The following SLC6A6 variants were observed in gnomAD, a reference collection of about 807,000 sequenced individuals.
The protein encoded by SLC6A6 is sodium- and chloride-dependent taurine transporter.
Under a neutral mutation model 68.8 loss-of-function variants are expected in SLC6A6, and 16 were observed. The ratio of observed to expected loss-of-function variants is 0.23; its 90% CI spans 0.16 to 0.35. The LOEUF is 0.35. Ranked by LOEUF, SLC6A6 falls within the 10% of genes least tolerant of loss-of-function variation. The probability of loss-of-function intolerance (pLI) is 1.00; values close to 1 mark genes in which losing one functional copy is unlikely to be tolerated. For missense variants in SLC6A6, 474 were observed against 802.8 expected (o/e 0.59, Z 4.95); for synonymous variants, 312 against 315.4 (o/e 0.99, Z 0.12).
At position 14,485,237 on chromosome 3, in the gene SLC6A6, G is replaced by A. The variant is rs551189338; in HGVS notation, c.*230G>A. 277 of 384,528 alleles carry A rather than the reference G, an allele frequency of 7.2e-4. 8 individuals are homozygous for A. The South Asian group carries it at 0.02, about 28-fold the overall frequency. The allele number at this position is 384,528 out of a possible 1,614,324, so 23.8% of individuals were successfully genotyped here. A position where few individuals can be genotyped will look rare whatever the true frequency, so the allele number is the denominator to read the frequency against. ...TATTTTGTACAAAAAGAAAACCCAC[G>A]GGAAGATGTCCGTGGAGAGGCAGAG... On this transcript the variant is annotated 3_prime_UTR_variant, in exon 15 of 15. Coordinates refer to ENST00000622186, the MANE Select transcript of SLC6A6 (RefSeq NM_003043.6).
In SLC6A6 at chr3:14,447,780, C is replaced by A. The variant is rs774906046; in HGVS notation, c.563C>A (p.Ser188Tyr). 1.2e-6 allele frequency: 2 copies of A among 1,614,226 alleles called. No homozygotes were observed. Residue 188 changes from serine (S) to tyrosine (Y), a missense_variant, in exon 5 of 15, where the codon TCC becomes TAC. Around this residue, in one of 2 missense-constraint regions of SLC6A6, gnomAD observed 280 missense variants for 533.1 expected, o/e 0.53. Transcript: ENST00000622186. ...AAGAGTGTCTGGATCACCATCAGCT[C>A]CACCAACTTCACCTCCCCTGTCATC... The part of the protein sequence containing the change: ...KNKSVWITIS[S>Y]TNFTSPVIEF...
At chr3:14,445,649 C>T in intron 3 of SLC6A6, 68 bp from the exon 4 acceptor site, 2 of 1,581,434 alleles carry the variant, frequency 1.3e-6, no homozygotes, top group Non-Finnish European at 8.7e-7. Flanking sequence ...GCTGGGAGGG[C>T]TTGGGAGCCT....
intron 2 of SLC6A6, among the ~76,000 whole-genome samples, chr3:14,434,032 C>T (rs766359795): frequency 2.6e-5 from 4 of 152,218 alleles, no homozygotes; most frequent in African/African-American, 7.2e-5. Context: ...CTGCCACACT[C>T]TGGCTTTCTG....
intron 2 of SLC6A6, among the ~76,000 whole-genome samples, chr3:14,433,005 C>A (rs1457133720): frequency 6.6e-6 from 1 of 152,220 alleles, no homozygotes; most frequent in African/African-American, 2.4e-5. Context: ...AGACACGGAA[C>A]CTTGTCCTTC....
intron 11 of SLC6A6, among the ~76,000 whole-genome samples, chr3:14,478,044 GT>G (rs1170606571): frequency 2.0e-5 from 3 of 151,748 alleles, no homozygotes; most frequent in African/African-American, 4.8e-5. Context: ...CCATTTAACA[GT>G]TCTCCGAAAA....
chr3:14,468,248 G>T lies in SLC6A6; in HGVS notation c.1096+36G>T. On this transcript the variant is annotated intron_variant, in intron 9 of 14. Coordinates refer to ENST00000622186, the MANE Select transcript of SLC6A6 (RefSeq NM_003043.6). The surrounding 1 kb of genome is among the most constrained non-coding windows in gnomAD (Gnocchi z 4.5). ...ATCGGTGGCAGTGGTGGTGGGCACTGCCACCTAGTGTGTAAGCCAAGTACT... is the reference window on the plus strand; with the variant it reads ...ATCGGTGGCAGTGGTGGTGGGCACTTCCACCTAGTGTGTAAGCCAAGTACT... 3 of 1,591,962 alleles carry T rather than the reference G, an allele frequency of 1.9e-6. No homozygotes were observed. The highest frequency in any genetic ancestry group is 2.6e-6 in the Non-Finnish European group (3 of 1,166,896).
chr3:14,466,321 A>G (rs535541897), intron 6 of SLC6A6, among the ~76,000 whole-genome samples, 195 bp from the exon 7 acceptor site: 1 of 151,514 alleles, frequency 6.6e-6, no homozygotes, highest in South Asian at 2.1e-4. Context: ...GTATATACCC[A>G]GATTACAGAT....
chr3:14,419,492 C>T (rs1184226496), intron 2 of SLC6A6, among the ~76,000 whole-genome samples: 1 of 152,170 alleles, frequency 6.6e-6, no homozygotes, highest in Non-Finnish European at 1.5e-5. Flanking sequence ...CAGGGGGCAA[C>T]CCATGTAGTG....
chr3:14,483,264 GACTTC>G (rs1701052118), intron 14 of SLC6A6, among the ~76,000 whole-genome samples: 1 of 152,210 alleles, frequency 6.6e-6, no homozygotes, highest in African/African-American at 2.4e-5. Flanking sequence ...GTGCCAGTCT[GACTTC>G]ACCAAAGGCC....
chr3:14,446,777 G>A (rs532206478), intron 4 of SLC6A6, among the ~76,000 whole-genome samples: 7 of 152,182 alleles, frequency 4.6e-5, no homozygotes, highest in African/African-American at 1.4e-4. Flanking sequence ...ACATAGCCAC[G>A]TAGAATGCTT....
At chr3:14,456,845 G>A (rs1176480281) in intron 5 of SLC6A6, among the ~76,000 whole-genome samples, 2 of 152,204 alleles carry the variant, frequency 1.3e-5, no homozygotes, top group Middle Eastern at 3.2e-3. Flanking sequence ...CCAGGGGTTC[G>A]CAAACACCCT....
chr3:14,461,388 T>C (rs533087254), intron 6 of SLC6A6, among the ~76,000 whole-genome samples: 111 of 152,284 alleles, frequency 7.3e-4, no homozygotes, highest in African/African-American at 2.6e-3. Flanking sequence ...CCGACCTGGG[T>C]GCCCCACACT....
At position 14,477,114 on chromosome 3, in the gene SLC6A6, A is replaced by C. The variant is rs1374908230; in HGVS notation, c.1210-91A>C. 2.5e-6 allele frequency: 3 copies of C among 1,217,252 alleles called. No individual in the cohort carries two copies. The highest frequency in any genetic ancestry group is 3.6e-6 in the Non-Finnish European group (3 of 841,846). 75.4% of individuals were successfully genotyped at this position (1,217,252 alleles called of 1,614,324 possible). A position where few individuals can be genotyped will look rare whatever the true frequency, so the allele number is the denominator to read the frequency against. On this transcript the variant is annotated intron_variant, in intron 10 of 14. Transcript: ENST00000622186. The surrounding 1 kb of genome is among the most constrained non-coding windows in gnomAD (Gnocchi z 4.2). ...CAAGGATGGTCACGTCTGCTCCTGC[A>C]TTGTGTGTTCCTGGGCCCTTCCCTC...
intron 12 of SLC6A6, 131 bp from the exon 13 acceptor site, chr3:14,478,954 G>T: frequency 3.1e-6 from 2 of 647,434 alleles, no homozygotes; most frequent in East Asian, 2.6e-5. Flanking sequence ...GTCTGTTTTT[G>T]CCACACTTGT....
Position 14,467,836 on chromosome 3 carries a change from C to T in SLC6A6, c.868-17C>T, listed in dbSNP as rs761523099. 6.5e-7 allele frequency: 1 copy of T among 1,541,338 alleles called. No individual in the cohort carries two copies. The highest frequency in any genetic ancestry group is 8.9e-7 in the Non-Finnish European group (1 of 1,123,480). ...CAGCCCTCCTCTCTTTCCTTGCCAC[C>T]TCCCTCCCCCTCATAGGTGTGGATT... On this transcript the variant is annotated splice_polypyrimidine_tract_variant and intron_variant, in intron 7 of 14. Coordinates refer to ENST00000622186, the MANE Select transcript of SLC6A6 (RefSeq NM_003043.6).
chr3:14,428,783 G>T (rs1047149172), intron 2 of SLC6A6, among the ~76,000 whole-genome samples: 31 of 152,312 alleles, frequency 2.0e-4, no homozygotes, highest in African/African-American at 6.7e-4. Flanking sequence ...GGCCTTTCCT[G>T]CCATTGTTCC....
intron 5 of SLC6A6, among the ~76,000 whole-genome samples, chr3:14,451,013 T>G (rs1559301984): frequency 6.6e-6 from 1 of 152,238 alleles, no homozygotes; most frequent in Admixed American, 6.5e-5. Context: ...ATCTGAGCAC[T>G]GTCCCCATGC....
intron 5 of SLC6A6, among the ~76,000 whole-genome samples, chr3:14,451,024 A>G (rs1055749793): frequency 2.0e-5 from 3 of 152,142 alleles, no homozygotes; most frequent in Non-Finnish European, 4.4e-5. Context: ...GTCCCCATGC[A>G]CTGTCACCCC....
chr3:14,465,207 G>A (rs1700588612), intron 6 of SLC6A6, among the ~76,000 whole-genome samples: 1 of 152,196 alleles, frequency 6.6e-6, no homozygotes, highest in Non-Finnish European at 1.5e-5. Context: ...GAATAAGATG[G>A]GAAAATCCAT....
Sources: allele counts gnomAD v4.1 joint callset (sites outside exome capture counted in the v4.1 genomes callset), GRCh38; gene constraint gnomAD v4.1.1; regional missense constraint gnomAD v4.1.1; non-coding constraint Gnocchi (gnomAD v3.1); transcripts MANE v1.5; gene names NCBI Gene and HGNC (gene_info 2026-07-23, HGNC 2026-07-21).